Variants in LARGE1 observed in about 807,000 individuals in gnomAD.
The protein encoded by LARGE1 is xylosyl- and glucuronyltransferase LARGE1.
LARGE1 carries 43 observed loss-of-function variants against 87.6 expected under a neutral mutation model. The observed-to-expected ratio is 0.49, with a 90% CI of 0.38 to 0.63. LARGE1 has a LOEUF of 0.63. Among genes scored for constraint, LARGE1 ranks in the 30% least tolerant of loss-of-function variants. The pLI, the probability that LARGE1 is intolerant of heterozygous loss-of-function variation, is 0.00. For missense variants in LARGE1, 802 were observed against 1,000.2 expected, an observed-to-expected ratio of 0.80 and a Z score of 2.67; for synonymous variants, 434 against 394.6, an observed-to-expected ratio of 1.10 and a Z score of -1.18.
chr22:33,871,623 AT>A (rs1601821980), intron 1 of LARGE1, among the ~76,000 whole-genome samples: 1 of 152,148 alleles, frequency 6.6e-6, no homozygotes, highest in African/African-American at 2.4e-5. Context: ...TTTAAGGCTA[AT>A]CTAAACACCA....
chr22:33,700,100 G>A (rs1455739701), intron 2 of LARGE1, among the ~76,000 whole-genome samples: 2 of 152,096 alleles, frequency 1.3e-5, no homozygotes, highest in Non-Finnish European at 2.9e-5. Context: ...GTTGCCTCCA[G>A]GAAAGGCAAC....
At chr22:33,120,413 T>TC in the LARGE1 span, among the ~76,000 whole-genome samples, 1 of 142,788 alleles carries the variant, frequency 7.0e-6, no homozygotes, top group East Asian at 2.1e-4. Context: ...TTTCTTTCCT[T>TC]CTTTCTTTCT....
chr22:33,400,309 G>A (rs1353982857), intron 7 of LARGE1, among the ~76,000 whole-genome samples: 1 of 152,150 alleles, frequency 6.6e-6, no homozygotes, highest in Non-Finnish European at 1.5e-5. Context: ...TCTTAAAATT[G>A]CCACTGAATA....
At chr22:33,855,124 G>C (rs2063720744) in intron 1 of LARGE1, among the ~76,000 whole-genome samples, 1 of 152,166 alleles carries the variant, frequency 6.6e-6, no homozygotes, top group Non-Finnish European at 1.5e-5. Context: ...TATGAGGTCA[G>C]GAGACCGAGA....
intron 2 of LARGE1, among the ~76,000 whole-genome samples, chr22:33,745,385 T>C (rs1027751956): frequency 2.0e-5 from 3 of 152,156 alleles, no homozygotes; most frequent in African/African-American, 4.8e-5. Context: ...TGAGTGTTTA[T>C]CCAAAACATG....
At chr22:33,843,749 AAG>A (rs1253119520) in intron 1 of LARGE1, among the ~76,000 whole-genome samples, 1 of 152,108 alleles carries the variant, frequency 6.6e-6, no homozygotes. Flanking sequence ...AAATGGCCGT[AAG>A]AGAATATATG....
chr22:33,179,343 C>T (rs1324359087), intron 11 of LARGE1, among the ~76,000 whole-genome samples: 1 of 152,084 alleles, frequency 6.6e-6, no homozygotes, highest in African/African-American at 2.4e-5. Flanking sequence ...AAGCCCTTTG[C>T]CCCCTACACA....
chr22:33,168,314 C>CCAGCATGT (rs1279969479), intron 11 of LARGE1, among the ~76,000 whole-genome samples: 1 of 152,166 alleles, frequency 6.6e-6, no homozygotes, highest in East Asian at 1.9e-4. Context: ...GATTTTCCTT[C>CCAGCATGT]CAGCATGTCT....
At chr22:33,623,756 G>A (rs1602777170) in intron 4 of LARGE1, among the ~76,000 whole-genome samples, 1 of 152,068 alleles carries the variant, frequency 6.6e-6, no homozygotes, top group Non-Finnish European at 1.5e-5. Flanking sequence ...AATGGCTGGG[G>A]GCGGTGGCTC....
intron 9 of LARGE1, among the ~76,000 whole-genome samples, chr22:33,355,446 T>C (rs1321495927): frequency 6.6e-6 from 1 of 152,200 alleles, no homozygotes; most frequent in Admixed American, 6.5e-5. Flanking sequence ...GAAATGTGTT[T>C]TGCAGCCCTT....
chr22:33,363,841 T>C lies in LARGE1; in HGVS notation c.1131+18078A>G, dbSNP rs116642190. Among the ~76,000 whole-genome samples, 590 of 149,680 alleles carry C rather than the reference T, an allele frequency of 3.9e-3. 37 individuals carry two copies. The highest frequency in any genetic ancestry group is 0.014 in the African/African-American group (562 of 40,740). Reference sequence around the variant, plus strand: ...TCAATCTGATAACTGAGATGGCTACTAAGTGATTCACAGGCCAGTAGTGCA... The same window carrying C: ...TCAATCTGATAACTGAGATGGCTACCAAGTGATTCACAGGCCAGTAGTGCA... On this transcript the variant is annotated intron_variant, in intron 9 of 14. Transcript: ENST00000397394.
chr22:33,686,146 T>C (rs1417756938), intron 2 of LARGE1, among the ~76,000 whole-genome samples: 2 of 152,102 alleles, frequency 1.3e-5, no homozygotes, highest in Non-Finnish European at 2.9e-5. Context: ...AGCTAACCCA[T>C]CTAGAGATAT....
At chr22:33,379,314 G>A (rs540002584) in intron 9 of LARGE1, among the ~76,000 whole-genome samples, 58 of 150,100 alleles carry the variant, frequency 3.9e-4, no homozygotes, top group African/African-American at 1.3e-3. Flanking sequence ...TGCACAACGT[G>A]CAGGTTTGTT....
At chr22:33,652,855 C>T (rs902828793) in intron 2 of LARGE1, among the ~76,000 whole-genome samples, 1 of 152,200 alleles carries the variant, frequency 6.6e-6, no homozygotes, top group East Asian at 1.9e-4. Context: ...CAGGGTTAAA[C>T]GCCTAAGTGC....
chr22:33,366,846 T>C (rs188093021), intron 9 of LARGE1, among the ~76,000 whole-genome samples: 1 of 152,338 alleles, frequency 6.6e-6, no homozygotes, highest in Non-Finnish European at 1.5e-5. Context: ...GATAATATCC[T>C]GGCTTTGCTG....
intron 2 of LARGE1, among the ~76,000 whole-genome samples, chr22:33,717,261 T>C (rs1470350287): frequency 1.3e-5 from 2 of 152,176 alleles, no homozygotes; most frequent in African/African-American, 4.8e-5. Context: ...ATTCATTTTC[T>C]TGCAATATCC....
chr22:33,221,980 A>G (rs1925479768), intron 11 of LARGE1, among the ~76,000 whole-genome samples: 1 of 152,186 alleles, frequency 6.6e-6, no homozygotes, highest in South Asian at 2.1e-4. Context: ...CTGGCCCCTC[A>G]GCTTGTTCCA....
At chr22:33,632,060 C>T (rs921496205) in intron 3 of LARGE1, among the ~76,000 whole-genome samples, 1 of 152,176 alleles carries the variant, frequency 6.6e-6, no homozygotes, top group African/African-American at 2.4e-5. Context: ...ATGATGTTCT[C>T]GTTTGCCCCT....
intron 9 of LARGE1, among the ~76,000 whole-genome samples, chr22:33,355,015 C>T (rs1159973459): frequency 6.6e-6 from 1 of 152,082 alleles, no homozygotes; most frequent in Non-Finnish European, 1.5e-5. Context: ...TGAAACTTTT[C>T]TGTTTTATAG....
Sources: allele counts gnomAD v4.1 joint callset (sites outside exome capture counted in the v4.1 genomes callset), GRCh38; gene constraint gnomAD v4.1.1; transcripts MANE v1.5; gene names NCBI Gene and HGNC (gene_info 2026-07-23, HGNC 2026-07-21).